JMJD1C: variants seen among roughly 807,000 people sequenced by gnomAD.
The protein encoded by JMJD1C is jumonji domain containing 1C, also known as jumonji domain-containing protein 1C.
Under a neutral mutation model 245.3 loss-of-function variants are expected in JMJD1C, and 31 were observed. The ratio of observed to expected loss-of-function variants is 0.13; its 90% confidence interval spans 0.09 to 0.17. The LOEUF (loss-of-function observed/expected upper bound fraction) is 0.17. JMJD1C is among the 10% of genes least tolerant of loss of function. The pLI, the probability that JMJD1C is intolerant of heterozygous loss-of-function variation, is 1.00. For missense variants in JMJD1C, 2,691 were observed against 3,000.2 expected (o/e 0.90, Z 2.41); for synonymous variants, 1,057 against 1,017.4 (o/e 1.04, Z -0.74).
intron 3 of JMJD1C, among the ~76,000 whole-genome samples, chr10:63,258,083 T>C (rs1033294759): frequency 6.6e-6 from 1 of 152,192 alleles, no homozygotes; most frequent in Admixed American, 6.5e-5. Flanking sequence ...ATACCATTTA[T>C]GAAAAGGGAA....
At chr10:63,329,411 G>C (rs1438599565) in intron 2 of JMJD1C, among the ~76,000 whole-genome samples, 2 of 148,634 alleles carry the variant, frequency 1.3e-5, no homozygotes, top group African/African-American at 5.0e-5. Context: ...GATAGGATAA[G>C]CTAGCAACAG....
intron 1 of JMJD1C, among the ~76,000 whole-genome samples, chr10:63,494,109 G>A (rs71508968): frequency 0.016 from 2,380 of 152,178 alleles, 31 homozygotes; most frequent in Non-Finnish European, 0.024. Flanking sequence ...TCAGGAGATC[G>A]AGACCAGCCT....
intron 10 of JMJD1C, among the ~76,000 whole-genome samples, chr10:63,205,580 T>G (rs545889744): frequency 1.3e-5 from 2 of 152,164 alleles, no homozygotes; most frequent in Non-Finnish European, 2.9e-5. Flanking sequence ...TTAAAGTATA[T>G]GGGAGGATGT....
intron 22 of JMJD1C, among the ~76,000 whole-genome samples, chr10:63,179,132 C>T (rs1033458620): frequency 1.3e-5 from 2 of 152,068 alleles, no homozygotes; most frequent in African/African-American, 4.8e-5. Flanking sequence ...AAATGTGTGG[C>T]CGGGCGTGGG....
chr10:63,339,664 G>A (rs1453333370), intron 2 of JMJD1C, among the ~76,000 whole-genome samples: 2 of 151,754 alleles, frequency 1.3e-5, no homozygotes, highest in East Asian at 1.9e-4. Flanking sequence ...AGTGGCTCAC[G>A]CCTATAATCC....
At chr10:63,196,261 A>AG in intron 13 of JMJD1C, among the ~76,000 whole-genome samples, 1 of 152,288 alleles carries the variant, frequency 6.6e-6, no homozygotes, top group Non-Finnish European at 1.5e-5. Context: ...ACATCCAAAA[A>AG]AAAAAGAAAA....
At chr10:63,511,722 A>T (rs1033087226) in intron 1 of JMJD1C, among the ~76,000 whole-genome samples, 1 of 152,230 alleles carries the variant, frequency 6.6e-6, no homozygotes, top group African/African-American at 2.4e-5. Flanking sequence ...ATCTCAAAAA[A>T]AAAAAAATAT....
intron 1 of JMJD1C, among the ~76,000 whole-genome samples, chr10:63,386,968 A>G (rs1309779028): frequency 6.6e-6 from 1 of 152,218 alleles, no homozygotes; most frequent in Non-Finnish European, 1.5e-5. Flanking sequence ...AAAGTGGCCC[A>G]TGTGGCAACC....
At chr10:63,381,485 T>C (rs568781406) in intron 1 of JMJD1C, among the ~76,000 whole-genome samples, 59 of 152,276 alleles carry the variant, frequency 3.9e-4, no homozygotes, top group African/African-American at 1.4e-3. Flanking sequence ...TGAGCTATGA[T>C]CGCACCACTG....
intron 13 of JMJD1C, among the ~76,000 whole-genome samples, chr10:63,195,145 G>A (rs1472104340): frequency 1.3e-5 from 2 of 152,062 alleles, no homozygotes; most frequent in Non-Finnish European, 2.9e-5. Context: ...CTTGAGGTCA[G>A]GACTTCAAGA....
chr10:63,394,827 A>T (rs1298199817), intron 1 of JMJD1C, among the ~76,000 whole-genome samples: 1 of 144,218 alleles, frequency 6.9e-6, no homozygotes, highest in Non-Finnish European at 1.5e-5. Context: ...CTGGGCAACA[A>T]GAGTGAAACT....
chr10:63,386,161 C>T (rs943025818), intron 1 of JMJD1C, among the ~76,000 whole-genome samples: 2 of 152,080 alleles, frequency 1.3e-5, no homozygotes, highest in African/African-American at 4.8e-5. Context: ...AAGGAAAACA[C>T]AAGGTACTAG....
intron 1 of JMJD1C, among the ~76,000 whole-genome samples, chr10:63,448,795 T>TA (rs1281786890): frequency 6.6e-6 from 1 of 152,152 alleles, no homozygotes; most frequent in African/African-American, 2.4e-5. Context: ...ATTGAATAGA[T>TA]AACAGCATTT....
intron 1 of JMJD1C, among the ~76,000 whole-genome samples, chr10:63,382,581 T>C (rs1157939163): frequency 1.3e-5 from 2 of 152,178 alleles, no homozygotes; most frequent in Non-Finnish European, 2.9e-5. Context: ...AACCCACTGC[T>C]AACATCATAC....
intron 2 of JMJD1C, among the ~76,000 whole-genome samples, chr10:63,355,392 G>T (rs9415692): frequency 1.3e-5 from 2 of 152,108 alleles, no homozygotes; most frequent in Non-Finnish European, 2.9e-5. Flanking sequence ...ATATGTGTGC[G>T]CATGGCTGTG....
intron 1 of JMJD1C, among the ~76,000 whole-genome samples, chr10:63,493,623 C>T (rs1487615268): frequency 6.6e-6 from 1 of 152,066 alleles, no homozygotes; most frequent in Non-Finnish European, 1.5e-5. Context: ...CTGTTAATTA[C>T]AGGCGTGAGC....
intron 1 of JMJD1C, among the ~76,000 whole-genome samples, chr10:63,453,375 G>A (rs1341211630): frequency 6.6e-6 from 1 of 152,150 alleles, no homozygotes; most frequent in Non-Finnish European, 1.5e-5. Flanking sequence ...AAAATGAAGA[G>A]TAATGAACAG....
At chr10:63,439,381 T>A (rs1317976636) in intron 1 of JMJD1C, among the ~76,000 whole-genome samples, 2 of 152,192 alleles carry the variant, frequency 1.3e-5, no homozygotes, top group Non-Finnish European at 2.9e-5. Context: ...ATTATAAACA[T>A]CACTATTAAT....
At chr10:63,346,101 G>C (rs1012316427) in intron 2 of JMJD1C, among the ~76,000 whole-genome samples, 2 of 152,132 alleles carry the variant, frequency 1.3e-5, no homozygotes, top group Admixed American at 6.5e-5. Flanking sequence ...GGAATGCAGT[G>C]GTGCAATTAT....
Sources: allele counts gnomAD v4.1 joint callset (sites outside exome capture counted in the v4.1 genomes callset), GRCh38; gene constraint gnomAD v4.1.1; transcripts MANE v1.5; gene names NCBI Gene and HGNC (gene_info 2026-07-23, HGNC 2026-07-21).